The following ZNF516 variants were observed in gnomAD, a reference collection of about 807,000 sequenced individuals.
The protein encoded by ZNF516 is zinc finger protein 516.
A neutral mutation model predicts 79.7 loss-of-function variants in ZNF516; 19 were observed. The ratio of observed to expected loss-of-function variants is 0.24; its 90% CI spans 0.17 to 0.35. ZNF516 has a LOEUF of 0.35. Ranked by LOEUF, ZNF516 falls within the 10% of genes least tolerant of loss-of-function variation. ZNF516 has a pLI of 1.00. For synonymous variants in ZNF516, 877 were observed against 739.5 expected (o/e 1.19, Z -3.02); for missense variants, 1,678 against 1,679.5 (o/e 1.00, Z 0.02).
At chr18:76,417,800 CTAAGT>C (rs2075451192) in intron 3 of ZNF516, among the ~76,000 whole-genome samples, 1 of 151,952 alleles carries the variant, frequency 6.6e-6, no homozygotes, top group East Asian at 1.9e-4. Context: ...TCAGAAAGCC[CTAAGT>C]TAAGAAATAT....
intron 1 of ZNF516, among the ~76,000 whole-genome samples, chr18:76,484,736 C>G (rs917765307): frequency 6.6e-6 from 1 of 152,206 alleles, no homozygotes; most frequent in African/African-American, 2.4e-5. Flanking sequence ...ATCCCAAATT[C>G]TAACTGTAAT....
intron 3 of ZNF516, among the ~76,000 whole-genome samples, chr18:76,397,299 G>A (rs2075160682): frequency 6.6e-6 from 1 of 151,932 alleles, no homozygotes; most frequent in African/African-American, 2.4e-5. Context: ...CCTATGGCCA[G>A]AAAAGTTTCT....
At chr18:76,489,585 A>AC (rs1491108617) in intron 1 of ZNF516, among the ~76,000 whole-genome samples, 5 of 75,616 alleles carry the variant, frequency 6.6e-5, no homozygotes, top group African/African-American at 3.1e-4. Context: ...ACAACATCTT[A>AC]CAAAAAAAAA....
chr18:76,441,929 GCCCCTCCGC>G lies in ZNF516; in HGVS notation c.1117_1125del (p.Ala373_Gly375del). The stretch of plus-strand genomic sequence containing the variant: ...AGGAAGAACTGCTTGGTGTCCGAGG[GCCCCTCCGC>G]CCCCTCCTCGGCCGGGGCGCGCGTG... On this transcript the variant is annotated inframe_deletion, in exon 3 of 7. Transcript: ENST00000443185. 1 of 1,608,174 alleles carries G rather than the reference GCCCCTCCGC, an allele frequency of 6.2e-7. No individual in the cohort carries two copies. The highest frequency in any genetic ancestry group is 8.5e-7 in the Non-Finnish European group (1 of 1,178,768).
intron 2 of ZNF516, among the ~76,000 whole-genome samples, chr18:76,455,138 A>C (rs1912642262): frequency 6.6e-6 from 1 of 152,188 alleles, no homozygotes; most frequent in Non-Finnish European, 1.5e-5. Flanking sequence ...GACAAACAGC[A>C]GTCACACAGT....
intron 2 of ZNF516, among the ~76,000 whole-genome samples, chr18:76,444,244 G>C (rs1347403007): frequency 6.6e-6 from 1 of 152,160 alleles, no homozygotes; most frequent in Non-Finnish European, 1.5e-5. Context: ...CAAGAGGGAG[G>C]GGCTGCACAG....
intron 2 of ZNF516, among the ~76,000 whole-genome samples, chr18:76,461,059 G>A (rs1264721906): frequency 1.3e-5 from 2 of 152,210 alleles, no homozygotes; most frequent in African/African-American, 2.4e-5. Context: ...GCGCATGCCT[G>A]TAATCCCAGC....
chr18:76,392,483 G>A (rs2075087292), intron 3 of ZNF516, among the ~76,000 whole-genome samples: 1 of 152,042 alleles, frequency 6.6e-6, no homozygotes, highest in Non-Finnish European at 1.5e-5. Flanking sequence ...CAGGAAAGCA[G>A]GAGGCCAGCT....
At chr18:76,479,057 A>G (rs1321727730) in intron 1 of ZNF516, among the ~76,000 whole-genome samples, 4 of 129,802 alleles carry the variant, frequency 3.1e-5, no homozygotes. Flanking sequence ...ATTCTGTCCA[A>G]AAAAAAAAAA....
At chr18:76,494,377 C>G (rs1316306363) in intron 1 of ZNF516, among the ~76,000 whole-genome samples, 5 of 151,810 alleles carry the variant, frequency 3.3e-5, no homozygotes, top group Non-Finnish European at 5.9e-5. Flanking sequence ...CGAGGCCTCC[C>G]CCACCCGCAC....
intron 2 of ZNF516, among the ~76,000 whole-genome samples, chr18:76,457,277 G>C (rs1912789363): frequency 6.6e-6 from 1 of 152,196 alleles, no homozygotes; most frequent in East Asian, 1.9e-4. Flanking sequence ...TTCTTAAACT[G>C]AACATATCTC....
At chr18:76,375,639 C>A (rs2074775325) in intron 4 of ZNF516, among the ~76,000 whole-genome samples, 1 of 144,098 alleles carries the variant, frequency 6.9e-6, no homozygotes, top group African/African-American at 2.6e-5. Context: ...TGGGAAGGCC[C>A]AAGATGGGAA....
At chr18:76,473,219 A>G (rs927721995) in intron 1 of ZNF516, among the ~76,000 whole-genome samples, 3 of 152,042 alleles carry the variant, frequency 2.0e-5, no homozygotes, top group African/African-American at 7.2e-5. Flanking sequence ...GGAAGCACAA[A>G]AGTTTTTTTT....
intron 2 of ZNF516, among the ~76,000 whole-genome samples, chr18:76,461,683 C>T (rs146482660): frequency 2.2e-3 from 328 of 152,356 alleles, no homozygotes; most frequent in African/African-American, 7.6e-3. Context: ...ACACAGTGGG[C>T]GCTTGACAAA....
intron 3 of ZNF516, chr18:76,386,083 C>T: frequency 6.6e-6 from 1 of 152,190 alleles, no homozygotes; most frequent in East Asian, 1.9e-4. Context: ...TTCGTAAAAG[C>T]CATTATTTCT....
At chr18:76,453,953 A>G (rs1912569537) in intron 2 of ZNF516, among the ~76,000 whole-genome samples, 1 of 152,238 alleles carries the variant, frequency 6.6e-6, no homozygotes, top group East Asian at 1.9e-4. Context: ...TTTTCCAACC[A>G]CTTGATTAAA....
intron 3 of ZNF516, among the ~76,000 whole-genome samples, chr18:76,412,164 C>A (rs1421912317): frequency 6.6e-6 from 1 of 152,178 alleles, no homozygotes; most frequent in East Asian, 1.9e-4. Context: ...GAGGAAGCGG[C>A]ACTAATGATT....
At chr18:76,453,664 A>G (rs1912552645) in intron 2 of ZNF516, among the ~76,000 whole-genome samples, 2 of 152,214 alleles carry the variant, frequency 1.3e-5, no homozygotes, top group Non-Finnish European at 2.9e-5. Context: ...TAAACTCAAA[A>G]CTGTGGAAAC....
chr18:76,371,710 C>A (rs1308722246), intron 4 of ZNF516, 139 bp from the exon 5 acceptor site: 3 of 675,232 alleles, frequency 4.4e-6, no homozygotes, highest in East Asian at 5.6e-5. Context: ...TCCCTTCAGG[C>A]CCTGGTGACA....
Sources: gnomAD v4.1 joint callset for allele counts (sites outside exome capture counted in the v4.1 genomes callset) on GRCh38, gnomAD v4.1.1 for gene constraint, MANE v1.5 for transcripts, NCBI Gene and HGNC (gene_info 2026-07-23, HGNC 2026-07-21) for gene names.